MAD1L1: variants seen among roughly 807,000 people sequenced by gnomAD.
The protein encoded by MAD1L1 is mitotic spindle assembly checkpoint protein MAD1.
A neutral mutation model predicts 96.9 loss-of-function variants in MAD1L1; 95 were observed. The ratio of observed to expected loss-of-function variants is 0.98; its 90% CI spans 0.83 to 1.16. The LOEUF is 1.16. Among genes scored for constraint, MAD1L1 ranks in the 50% most tolerant of loss-of-function variants. The probability of loss-of-function intolerance (pLI) is 0.00; values close to 1 mark genes in which losing one functional copy is unlikely to be tolerated. For synonymous variants in MAD1L1, 473 were observed against 396.6 expected, an observed-to-expected ratio of 1.19 and a Z score of -2.29; for missense variants, 1,007 against 954.4, an observed-to-expected ratio of 1.06 and a Z score of -0.73.
At chr7:2,034,333 C>T (rs772092151) in intron 12 of MAD1L1, among the ~76,000 whole-genome samples, 6 of 151,848 alleles carry the variant, frequency 4.0e-5, no homozygotes, top group Non-Finnish European at 8.8e-5. Flanking sequence ...TCTCCTGCCT[C>T]AGCCTCCTGA....
intron 12 of MAD1L1, among the ~76,000 whole-genome samples, chr7:2,019,569 A>G (rs1782689210): frequency 6.6e-6 from 1 of 152,188 alleles, no homozygotes; most frequent in African/African-American, 2.4e-5. Context: ...GTACATGGAG[A>G]CAGCACCCGT....
chr7:2,029,956 C>T (rs896154750), intron 12 of MAD1L1, among the ~76,000 whole-genome samples: 3 of 152,196 alleles, frequency 2.0e-5, no homozygotes, highest in African/African-American at 4.8e-5. Flanking sequence ...TCATCCCTAG[C>T]GCCCAGACAC....
At chr7:2,145,656 C>T (rs903652109) in intron 11 of MAD1L1, among the ~76,000 whole-genome samples, 2 of 152,204 alleles carry the variant, frequency 1.3e-5, no homozygotes, top group African/African-American at 4.8e-5. Flanking sequence ...GGCATCTGCT[C>T]ACTGCGGGAT....
chr7:2,202,809 C>T (rs1792385364), intron 10 of MAD1L1, among the ~76,000 whole-genome samples: 1 of 152,218 alleles, frequency 6.6e-6, no homozygotes, highest in South Asian at 2.1e-4. Flanking sequence ...TCAATTAGAC[C>T]CTTCCTTAGA....
intron 11 of MAD1L1, among the ~76,000 whole-genome samples, chr7:2,112,875 AG>A (rs200220537): frequency 6.6e-6 from 1 of 151,982 alleles, no homozygotes; most frequent in Non-Finnish European, 1.5e-5. Context: ...AAAAAAAAAA[AG>A]GCTTTAAAAA....
At chr7:2,021,323 C>T (rs1562614585) in intron 12 of MAD1L1, among the ~76,000 whole-genome samples, 2 of 152,140 alleles carry the variant, frequency 1.3e-5, no homozygotes, top group Non-Finnish European at 2.9e-5. Flanking sequence ...TCATTATCAA[C>T]CAAGAGAGTG....
At chr7:2,032,743 G>A (rs778918383) in intron 12 of MAD1L1, among the ~76,000 whole-genome samples, 17 of 152,232 alleles carry the variant, frequency 1.1e-4, no homozygotes, top group Non-Finnish European at 2.1e-4. Flanking sequence ...TCCCACCAGG[G>A]TCAGGCCAGC....
chr7:2,231,923 G>T (rs373293907), intron 1 of MAD1L1, among the ~76,000 whole-genome samples: 16 of 152,066 alleles, frequency 1.1e-4, no homozygotes, highest in Non-Finnish European at 5.9e-5. Context: ...ATGGGAATAC[G>T]GCTGCAGGTT....
At chr7:2,080,464 C>CT (rs1295958591) in intron 11 of MAD1L1, among the ~76,000 whole-genome samples, 1 of 152,244 alleles carries the variant, frequency 6.6e-6, no homozygotes, top group Non-Finnish European at 1.5e-5. Context: ...GCCTCGGCCA[C>CT]TGCAGATGCA....
At chr7:2,134,328 G>A (rs985873677) in intron 11 of MAD1L1, among the ~76,000 whole-genome samples, 9 of 152,150 alleles carry the variant, frequency 5.9e-5, no homozygotes, top group African/African-American at 4.8e-5. Context: ...AGCTGACGGC[G>A]TGTATGGCCC....
intron 18 of MAD1L1, among the ~76,000 whole-genome samples, chr7:1,860,146 C>G (rs1351414980): frequency 6.8e-6 from 1 of 146,934 alleles, no homozygotes; most frequent in African/African-American, 2.6e-5. Context: ...GCGGGGCGGC[C>G]TCTGTCTCCC....
At chr7:1,950,722 G>A (rs1779453527) in intron 16 of MAD1L1, among the ~76,000 whole-genome samples, 1 of 152,330 alleles carries the variant, frequency 6.6e-6, no homozygotes, top group East Asian at 1.9e-4. Flanking sequence ...CAGGCCCACA[G>A]GGGGAGGGTG....
chr7:2,069,678 C>A (rs1196173177), intron 11 of MAD1L1, among the ~76,000 whole-genome samples: 2 of 152,230 alleles, frequency 1.3e-5, no homozygotes, highest in Non-Finnish European at 2.9e-5. Context: ...CTCTGAATCA[C>A]CGCAGATGTG....
intron 12 of MAD1L1, among the ~76,000 whole-genome samples, chr7:2,016,603 G>A (rs371022287): frequency 5.0e-4 from 76 of 152,338 alleles, no homozygotes; most frequent in African/African-American, 1.7e-3. Context: ...CGAGGAGGGC[G>A]AGGCTGCAGG....
intron 10 of MAD1L1, 51 bp from the exon 11 acceptor site, chr7:2,149,289 C>T (rs1018549158): frequency 2.1e-6 from 3 of 1,443,966 alleles, no homozygotes; most frequent in Non-Finnish European, 1.9e-6. Flanking sequence ...GAGAAGTAAA[C>T]CTGATTCTGC....
intron 18 of MAD1L1, among the ~76,000 whole-genome samples, chr7:1,863,420 C>T (rs560998223): frequency 1.3e-5 from 2 of 152,324 alleles, no homozygotes; most frequent in Admixed American, 6.5e-5. Context: ...GGGGAGACCT[C>T]GCGGTCCACT....
intron 11 of MAD1L1, among the ~76,000 whole-genome samples, chr7:2,110,700 A>G (rs1041258592): frequency 6.6e-6 from 1 of 152,134 alleles, no homozygotes; most frequent in Admixed American, 6.6e-5. Context: ...GACTATTAAG[A>G]TGCTTTCAGA....
chr7:1,913,908 G>A (rs1213383846), intron 17 of MAD1L1, among the ~76,000 whole-genome samples: 2 of 152,150 alleles, frequency 1.3e-5, no homozygotes, highest in East Asian at 1.9e-4. Context: ...TTCCTCCTGG[G>A]CCCTGCTTGG....
intron 18 of MAD1L1, among the ~76,000 whole-genome samples, chr7:1,875,388 A>G (rs1785330420): frequency 6.6e-6 from 1 of 152,218 alleles, no homozygotes; most frequent in Non-Finnish European, 1.5e-5. Context: ...TCGACCCCAG[A>G]TGCCACTAAG....
Sources: gnomAD v4.1 joint callset for allele counts (sites outside exome capture counted in the v4.1 genomes callset) on GRCh38, gnomAD v4.1.1 for gene constraint, MANE v1.5 for transcripts, NCBI Gene and HGNC (gene_info 2026-07-23, HGNC 2026-07-21) for gene names.